KLHL30: variants seen among roughly 807,000 people sequenced by gnomAD.
The protein encoded by KLHL30 is kelch-like protein 30.
A neutral mutation model predicts 55.0 loss-of-function variants in KLHL30; 55 were observed. The ratio of observed to expected loss-of-function variants is 1.00; its 90% confidence interval spans 0.80 to 1.25. The LOEUF is 1.25. Among genes scored for constraint, KLHL30 ranks in the 50% most tolerant of loss-of-function variants. The pLI, the probability that KLHL30 is intolerant of heterozygous loss-of-function variation, is 0.00. For synonymous variants in KLHL30, 356 were observed against 372.6 expected (o/e 0.96, Z 0.51); for missense variants, 786 against 811.6 (o/e 0.97, Z 0.38).
rs1037181403 is a variant in KLHL30, at chr2:238,149,201, T to C, written c.1485+49T>C. On this transcript the variant is annotated intron_variant, in intron 7 of 7. Transcript: ENST00000409223. ...TGTGTGAGCCCCTGCCCAGGACTCC[T>C]GACATCAGAGAGCCAGCCTGGGAAG... 4.4e-6 allele frequency: 7 copies of C among 1,603,872 alleles called. No individual in the cohort carries two copies. The Admixed American group carries it at 5.0e-5, about 11-fold the overall frequency.
chr2:238,150,296 G>A (rs977328279), intron 7 of KLHL30, among the ~76,000 whole-genome samples: 8 of 152,064 alleles, frequency 5.3e-5, no homozygotes, highest in Non-Finnish European at 8.8e-5. Flanking sequence ...CCACCCGCCC[G>A]GGCTCTTCCT....
intron 1 of KLHL30, among the ~76,000 whole-genome samples, chr2:238,139,812 C>T (rs1004063853): frequency 1.3e-5 from 2 of 152,228 alleles, no homozygotes; most frequent in African/African-American, 4.8e-5. Context: ...TGACCCGGGT[C>T]GAAGGCTTGT....
At position 238,151,782 on chromosome 2, in the gene KLHL30, A is replaced by G; in HGVS notation, c.*717A>G. Reference sequence around the variant, plus strand: ...GAGGCAGGGCGTGGGGCGGGGCTGGAGGGTCCCAGGGAGGTGAGCAGTTTT... The same window carrying G: ...GAGGCAGGGCGTGGGGCGGGGCTGGGGGGTCCCAGGGAGGTGAGCAGTTTT... On this transcript the variant is annotated 3_prime_UTR_variant, in exon 8 of 8. Coordinates refer to ENST00000409223, the MANE Select transcript of KLHL30 (RefSeq NM_198582.4). The G allele has an allele frequency of 1.5e-6, 1 of 678,964 alleles. No homozygotes were observed. Among genetic ancestry groups the G allele is most frequent in the Non-Finnish European group, 1.8e-6 (1 of 549,878 alleles). The allele number at this position is 678,964 out of a possible 1,614,324, so 42.1% of individuals were successfully genotyped here.
intron 5 of KLHL30, among the ~76,000 whole-genome samples, chr2:238,146,832 C>T (rs1310924830): frequency 6.6e-6 from 1 of 151,650 alleles, no homozygotes; most frequent in Non-Finnish European, 1.5e-5. Flanking sequence ...CCAGCCTGGC[C>T]AACATGGTGA....
At chr2:238,139,715 C>A (rs927972057) in intron 1 of KLHL30, among the ~76,000 whole-genome samples, 10 of 152,216 alleles carry the variant, frequency 6.6e-5, no homozygotes, top group Non-Finnish European at 1.0e-4. Context: ...TGTGGACGCG[C>A]GGCCGCCTCT....
Position 238,141,529 on chromosome 2 carries a change from G to A in KLHL30, c.774+1G>A. The A allele has an allele frequency of 6.9e-7, 1 of 1,439,526 alleles. No homozygotes were observed. Among genetic ancestry groups the A allele is most frequent in the South Asian group, 1.5e-5 (1 of 68,342 alleles). The allele number at this position is 1,439,526 out of a possible 1,614,324, so 89.2% of individuals were successfully genotyped here. A position where few individuals can be genotyped will look rare whatever the true frequency, so the allele number is the denominator to read the frequency against. On this transcript the variant is annotated splice_donor_variant, in intron 2 of 7. Coordinates refer to ENST00000409223, the MANE Select transcript of KLHL30 (RefSeq NM_198582.4). LOFTEE classifies it high-confidence loss of function. ...AGCCCTGTCCCAGGGCCATGATGGG[G>A]TGAGTGAGCGGCTGGGAGGCCCCAT...
At position 238,149,024 on chromosome 2, in the gene KLHL30, G is replaced by C; in HGVS notation, c.1357G>C (p.Ala453Pro). 1 of 1,606,574 alleles carries C rather than the reference G, an allele frequency of 6.2e-7. No homozygotes were observed. Among genetic ancestry groups the C allele is most frequent in the Non-Finnish European group, 8.5e-7 (1 of 1,176,858 alleles). Residue 453 changes from alanine to proline, a missense_variant, in exon 7 of 8, where the codon GCC becomes CCC. Transcript: ENST00000409223. Reference protein sequence around the residue: ...NPVTDAWSVIASPFLPKYLSS... With the variant: ...NPVTDAWSVIPSPFLPKYLSS... ...CCCCACAGATGCGTGGAGTGTGATCGCCTCGCCCTTCCTGCCCAAGTACCT... is the reference window on the plus strand; with the variant it reads ...CCCCACAGATGCGTGGAGTGTGATCCCCTCGCCCTTCCTGCCCAAGTACCT...
chr2:238,139,154 G>T (rs1692484119), intron 1 of KLHL30, among the ~76,000 whole-genome samples: 1 of 152,198 alleles, frequency 6.6e-6, no homozygotes, highest in Non-Finnish European at 1.5e-5. Flanking sequence ...GGGACTGCAG[G>T]GTGACAGGTG....
intron 3 of KLHL30, among the ~76,000 whole-genome samples, chr2:238,144,593 T>C (rs1692614916): frequency 6.6e-6 from 1 of 152,048 alleles, no homozygotes; most frequent in African/African-American, 2.4e-5. Flanking sequence ...CCATTTGGGG[T>C]CAGTGGGGTC....
In KLHL30 at chr2:238,151,911, C is replaced by G. The variant is rs57367384; in HGVS notation, c.*846C>G. The G allele has an allele frequency of 2.5e-4, 243 of 985,508 alleles. 4 individuals carry two copies. In the East Asian group the frequency reaches 0.021, roughly 84 times the overall value. 61.0% of individuals were successfully genotyped at this position (985,508 alleles called of 1,614,324 possible). On this transcript the variant is annotated 3_prime_UTR_variant, in exon 8 of 8. Coordinates refer to ENST00000409223, the MANE Select transcript of KLHL30 (RefSeq NM_198582.4). ...CGACTCTTGGGTGCATTGGTGGCAG[C>G]CTCCTGAGGGTGAGGGGTAGCATCC... is the stretch of plus-strand genomic sequence containing the variant.
chr2:238,147,042 G>C lies in KLHL30; in HGVS notation c.1151-792G>C, dbSNP rs550624641. ...AAAAAAGGCAGGCATGGTGTCACGT[G>C]CCAGCCGAGGTAGGAGTATCGCTGA... On this transcript the variant is annotated intron_variant, in intron 5 of 7. Coordinates refer to ENST00000409223, the MANE Select transcript of KLHL30 (RefSeq NM_198582.4). The surrounding 1 kb of genome is among the most constrained non-coding windows in gnomAD (Gnocchi z 5.8). 6.7e-6 allele frequency among the ~76,000 whole-genome samples: 1 copy of C among 149,874 alleles called. No individual in the cohort carries two copies. Among genetic ancestry groups the C allele is most frequent in the South Asian group, 2.1e-4 (1 of 4,736 alleles).
chr2:238,144,053 C>T (rs1212499364), intron 3 of KLHL30, among the ~76,000 whole-genome samples: 2 of 152,204 alleles, frequency 1.3e-5, no homozygotes, highest in Admixed American at 6.5e-5. Context: ...CTTGATTTTC[C>T]AAAGCATTTT....
chr2:238,148,125 G>C, intron 6 of KLHL30, 103 bp downstream of exon 6: 2 of 1,159,116 alleles, frequency 1.7e-6, no homozygotes, highest in South Asian at 2.2e-5. Context: ...GAGGATAGAC[G>C]GGGCCCGGGG....
intron 3 of KLHL30, 109 bp from the exon 4 acceptor site, chr2:238,144,793 G>A (rs372469134): frequency 2.5e-6 from 2 of 808,800 alleles, no homozygotes; most frequent in Non-Finnish European, 2.1e-6. Flanking sequence ...ACCAGTGAGG[G>A]GGGCATTTCT....
At chr2:238,145,060 C>CGGAG in intron 4 of KLHL30, 72 bp downstream of exon 4, 4 of 1,201,216 alleles carry the variant, frequency 3.3e-6, no homozygotes, top group Non-Finnish European at 4.8e-6. Context: ...ACTCCCCGCA[C>CGGAG]TCCGTGGGGT....
intron 1 of KLHL30, among the ~76,000 whole-genome samples, chr2:238,139,070 C>T (rs1012270409): frequency 6.6e-6 from 1 of 152,168 alleles, no homozygotes; most frequent in Non-Finnish European, 1.5e-5. Context: ...CCTGCCCACT[C>T]GGCTTCCTCA....
At chr2:238,144,424 A>AGGCAGGCAGGCAGGCAGGC (rs1559275987) in intron 3 of KLHL30, among the ~76,000 whole-genome samples, 4 of 82,716 alleles carry the variant, frequency 4.8e-5, no homozygotes, top group East Asian at 3.3e-4. Context: ...GGAAGGAAGG[A>AGGCAGGCAGGCAGGCAGGC]AGGAAGGAAG....
At position 238,151,455 on chromosome 2, in the gene KLHL30, G is replaced by A. The variant is rs1437357189; in HGVS notation, c.*390G>A. 3.8e-6 allele frequency: 1 copy of A among 260,954 alleles called. No individual in the cohort carries two copies. The highest frequency in any genetic ancestry group is 2.2e-5 in the African/African-American group (1 of 45,430). 16.2% of individuals were successfully genotyped at this position (260,954 alleles called of 1,614,324 possible). On this transcript the variant is annotated 3_prime_UTR_variant, in exon 8 of 8. Coordinates refer to ENST00000409223, the MANE Select transcript of KLHL30 (RefSeq NM_198582.4). ...TGGAGCAGTTGCATGAATGTGGGGT[G>A]AACACGGAGCGTCCCAGAAAGCTGA... is the stretch of plus-strand genomic sequence containing the variant.
intron 5 of KLHL30, among the ~76,000 whole-genome samples, chr2:238,146,716 A>T (rs1692654328): frequency 6.6e-6 from 1 of 151,548 alleles, no homozygotes; most frequent in African/African-American, 2.4e-5. Flanking sequence ...CCATAAAAAA[A>T]TAAAAAATAA....
Sources: gnomAD v4.1 joint callset for allele counts (sites outside exome capture counted in the v4.1 genomes callset) on GRCh38, gnomAD v4.1.1 for gene constraint, Gnocchi (gnomAD v3.1) non-coding constraint, MANE v1.5 for transcripts, NCBI Gene and HGNC (gene_info 2026-07-23, HGNC 2026-07-21) for gene names.